CCDC85A: variants seen among roughly 807,000 people sequenced by gnomAD.
CCDC85A encodes coiled-coil domain containing 85A, also known as coiled-coil domain-containing protein 85A.
Under a neutral mutation model 50.2 loss-of-function variants are expected in CCDC85A, and 38 were observed. That is an observed-to-expected ratio of 0.76 (90% confidence interval 0.58 to 0.99). CCDC85A has a LOEUF of 0.99. Among genes scored for constraint, CCDC85A ranks in the 50% least tolerant of loss-of-function variants. The pLI, the probability that CCDC85A is intolerant of heterozygous loss-of-function variation, is 0.00. For synonymous variants in CCDC85A, 366 were observed against 301.4 expected, an observed-to-expected ratio of 1.21 and a Z score of -2.22; for missense variants, 820 against 742.0, an observed-to-expected ratio of 1.11 and a Z score of -1.22.
At chr2:56,292,612 G>A (rs993864703) in intron 2 of CCDC85A, among the ~76,000 whole-genome samples, 4 of 152,190 alleles carry the variant, frequency 2.6e-5, no homozygotes, top group Middle Eastern at 3.4e-3. Flanking sequence ...TAGGCCTCTC[G>A]TACCTGCCTC....
In CCDC85A at chr2:56,193,153, A is replaced by G; in HGVS notation, c.953A>G (p.Gln318Arg). The G allele has an allele frequency of 1.2e-6, 2 of 1,612,710 alleles. No individual in the cohort carries two copies. The highest frequency in any genetic ancestry group is 1.7e-6 in the Non-Finnish European group (2 of 1,178,928). ...CTGAGTGGGAGCCCGGAACACTTCC[A>G]GAAGCACCGGTCAGGGAGCAGCCCT... is the stretch of plus-strand genomic sequence containing the variant. Reference protein sequence around the residue: ...HVLSGSPEHFQKHRSGSSPEH... With the variant: ...HVLSGSPEHFRKHRSGSSPEH... The change falls in exon 2 of 6, where the codon CAG becomes CGG. Residue 318 changes from glutamine (Q) to arginine (R), a missense_variant. Transcript: ENST00000407595.
chr2:56,333,789 T>A (rs578222347), intron 2 of CCDC85A, among the ~76,000 whole-genome samples: 3 of 152,286 alleles, frequency 2.0e-5, no homozygotes, highest in Admixed American at 2.0e-4. Context: ...AAAATTTTTG[T>A]TAAAAGGAAA....
chr2:56,233,465 A>C (rs1558597494), intron 2 of CCDC85A, among the ~76,000 whole-genome samples: 2 of 152,318 alleles, frequency 1.3e-5, no homozygotes, highest in Admixed American at 1.3e-4. Flanking sequence ...GCAGGGCCCA[A>C]AGGTCTCCAT....
At position 56,192,460 on chromosome 2, in the gene CCDC85A, T is replaced by A. The variant is rs936061543; in HGVS notation, c.277-17T>A. ...CAGATGTGTACTTCCCTTGAATGGTTGTGTCTCTCTTTTCAGGATATCAAC... is the reference window on the plus strand; with the variant it reads ...CAGATGTGTACTTCCCTTGAATGGTAGTGTCTCTCTTTTCAGGATATCAAC... On this transcript the variant is annotated splice_polypyrimidine_tract_variant and intron_variant, in intron 1 of 5. Transcript: ENST00000407595. This position sits in a 1 kb window ranked among gnomAD's most constrained non-coding sequence, Gnocchi z 4.7. 5.6e-6 allele frequency: 9 copies of A among 1,593,048 alleles called. No individual in the cohort carries two copies. In the Admixed American group the frequency reaches 6.9e-5, roughly 12 times the overall value.
At chr2:56,290,177 C>T (rs1671637305) in intron 2 of CCDC85A, among the ~76,000 whole-genome samples, 1 of 152,198 alleles carries the variant, frequency 6.6e-6, no homozygotes, top group African/African-American at 2.4e-5. Flanking sequence ...TGTCTGTAAT[C>T]ACTCAAAGAT....
chr2:56,221,330 C>G (rs966909139), intron 2 of CCDC85A, among the ~76,000 whole-genome samples: 3 of 151,814 alleles, frequency 2.0e-5, no homozygotes, highest in Non-Finnish European at 2.9e-5. Flanking sequence ...TCCATTTAAC[C>G]GACTTAACAG....
At chr2:56,223,616 T>C (rs1339532369) in intron 2 of CCDC85A, among the ~76,000 whole-genome samples, 1 of 152,148 alleles carries the variant, frequency 6.6e-6, no homozygotes, top group Non-Finnish European at 1.5e-5. Flanking sequence ...AGACAAACAT[T>C]TCCTGACCAA....
At chr2:56,261,001 T>C (rs183145921) in intron 2 of CCDC85A, among the ~76,000 whole-genome samples, 6 of 152,348 alleles carry the variant, frequency 3.9e-5, no homozygotes, top group Admixed American at 3.3e-4. Flanking sequence ...GTGGGTTCTT[T>C]TAAAGACATG....
At chr2:56,321,417 T>C (rs879901476) in intron 2 of CCDC85A, among the ~76,000 whole-genome samples, 13 of 152,316 alleles carry the variant, frequency 8.5e-5, no homozygotes, top group South Asian at 6.2e-4. Context: ...CAAAATCTCC[T>C]TAAGCTGATA....
In CCDC85A at chr2:56,192,987, A is replaced by G. The variant is rs1239010177; in HGVS notation, c.787A>G (p.Arg263Gly). The change falls in exon 2 of 6, where the codon AGA becomes GGA. Residue 263 changes from arginine (R) to glycine (G), a missense_variant. Transcript: ENST00000407595. The surrounding 1 kb of genome is among the most constrained non-coding windows in gnomAD (Gnocchi z 4.7). ...CAGCCCCGAGCATCCACAGAAACCC[A>G]GAGCCTGTGGAACCCCAGATCGCCC... ...SASPEHPQKP[R>G]ACGTPDRPKA... 6.2e-7 allele frequency: 1 copy of G among 1,613,540 alleles called. No individual in the cohort carries two copies. Among genetic ancestry groups the G allele is most frequent in the African/African-American group, 1.3e-5 (1 of 74,828 alleles).
At chr2:56,299,422 G>A (rs1465622432) in intron 2 of CCDC85A, among the ~76,000 whole-genome samples, 1 of 152,146 alleles carries the variant, frequency 6.6e-6, no homozygotes, top group African/African-American at 2.4e-5. Flanking sequence ...GGATGCATCT[G>A]TGCTGCAATA....
intron 5 of CCDC85A, among the ~76,000 whole-genome samples, chr2:56,381,913 T>G (rs1676602010): frequency 6.6e-6 from 1 of 152,070 alleles, no homozygotes; most frequent in Non-Finnish European, 1.5e-5. Flanking sequence ...AGTATTATTT[T>G]TATTTTTTAG....
chr2:56,230,724 C>T (rs1014897014), intron 2 of CCDC85A, among the ~76,000 whole-genome samples: 1 of 152,188 alleles, frequency 6.6e-6, no homozygotes, highest in Non-Finnish European at 1.5e-5. Flanking sequence ...CAAAATGTCT[C>T]ATTTGAAAAT....
chr2:56,244,691 C>G (rs1669422399), intron 2 of CCDC85A, among the ~76,000 whole-genome samples: 1 of 151,642 alleles, frequency 6.6e-6, no homozygotes, highest in African/African-American at 2.4e-5. Context: ...TGGAAGCCAG[C>G]ACATCTGAGT....
At chr2:56,323,107 A>T (rs562571189) in intron 2 of CCDC85A, among the ~76,000 whole-genome samples, 1 of 152,102 alleles carries the variant, frequency 6.6e-6, no homozygotes, top group Non-Finnish European at 1.5e-5. Flanking sequence ...GAACACATGG[A>T]CACAGGGTGG....
intron 2 of CCDC85A, among the ~76,000 whole-genome samples, chr2:56,328,714 C>A (rs1207690055): frequency 6.6e-6 from 1 of 151,234 alleles, no homozygotes; most frequent in South Asian, 2.1e-4. Flanking sequence ...TCTTTGATTT[C>A]TTTTTTTCCC....
At chr2:56,299,098 C>T (rs1013385715) in intron 2 of CCDC85A, among the ~76,000 whole-genome samples, 1 of 152,114 alleles carries the variant, frequency 6.6e-6, no homozygotes, top group South Asian at 2.1e-4. Context: ...AGTTCTCATG[C>T]ATTATTTATT....
At chr2:56,373,492 A>AT (rs1311320869) in intron 4 of CCDC85A, among the ~76,000 whole-genome samples, 1 of 152,126 alleles carries the variant, frequency 6.6e-6, no homozygotes, top group Non-Finnish European at 1.5e-5. Flanking sequence ...GTTTACATTG[A>AT]TTTTTAGAAG....
chr2:56,218,536 T>C (rs1442515322), intron 2 of CCDC85A, among the ~76,000 whole-genome samples: 1 of 151,950 alleles, frequency 6.6e-6, no homozygotes, highest in African/African-American at 2.4e-5. Flanking sequence ...CATGCTGTTT[T>C]GTAGTCTACT....
Sources: allele counts gnomAD v4.1 joint callset (sites outside exome capture counted in the v4.1 genomes callset), GRCh38; gene constraint gnomAD v4.1.1; non-coding constraint Gnocchi (gnomAD v3.1); transcripts MANE v1.5; gene names NCBI Gene and HGNC (gene_info 2026-07-23, HGNC 2026-07-21).